The following CAMKMT variants were observed in gnomAD, a reference collection of about 807,000 sequenced individuals.
CAMKMT encodes the protein calmodulin-lysine N-methyltransferase.
Under a neutral mutation model 48.0 loss-of-function variants are expected in CAMKMT, and 53 were observed. The ratio of observed to expected loss-of-function variants is 1.10; its 90% CI spans 0.89 to 1.39. The LOEUF (loss-of-function observed/expected upper bound fraction) is 1.39, where lower values mean the gene tolerates loss of function less well. Ranked by LOEUF, CAMKMT falls within the 40% of genes most tolerant of loss-of-function variation. The pLI, the probability that CAMKMT is intolerant of heterozygous loss-of-function variation, is 0.00. For missense variants in CAMKMT, 428 were observed against 402.7 expected (o/e 1.06, Z -0.54); for synonymous variants, 165 against 152.3 (o/e 1.08, Z -0.61).
At chr2:44,700,552 G>T (rs1445175946) in intron 3 of CAMKMT, among the ~76,000 whole-genome samples, 1 of 152,136 alleles carries the variant, frequency 6.6e-6, no homozygotes, top group Non-Finnish European at 1.5e-5. Context: ...TAATAGGGAG[G>T]CCTGGGGAGA....
intron 3 of CAMKMT, among the ~76,000 whole-genome samples, chr2:44,497,041 T>G (rs1272938614): frequency 2.0e-5 from 3 of 152,192 alleles, no homozygotes; most frequent in African/African-American, 7.2e-5. Flanking sequence ...GTATCCTCAT[T>G]TATTATTCAT....
intron 3 of CAMKMT, among the ~76,000 whole-genome samples, chr2:44,418,192 CAAAAAAAA>C (rs70965353): frequency 8.4e-6 from 1 of 118,900 alleles, no homozygotes; most frequent in Non-Finnish European, 1.7e-5. Context: ...AACTCTGTCT[CAAAAAAAA>C]AAAAAAAAAG....
intron 3 of CAMKMT, among the ~76,000 whole-genome samples, chr2:44,532,702 A>G (rs748640895): frequency 6.6e-6 from 1 of 152,250 alleles, no homozygotes; most frequent in Non-Finnish European, 1.5e-5. Flanking sequence ...AGTAAGGCAC[A>G]TTTGTAAGGG....
intron 2 of CAMKMT, among the ~76,000 whole-genome samples, chr2:44,373,405 GA>G (rs1224602088): frequency 6.6e-6 from 1 of 152,082 alleles, no homozygotes; most frequent in African/African-American, 2.4e-5. Flanking sequence ...AAAATCATTA[GA>G]AAAGAGACAA....
At chr2:44,362,654 G>T (rs933780027) in intron 1 of CAMKMT, among the ~76,000 whole-genome samples, 5 of 152,174 alleles carry the variant, frequency 3.3e-5, no homozygotes, top group African/African-American at 9.7e-5. Flanking sequence ...ACAGCGGAGC[G>T]TGCAAGGAGT....
intron 3 of CAMKMT, chr2:44,394,755 A>G: frequency 2.3e-6 from 1 of 431,184 alleles, no homozygotes; most frequent in East Asian, 7.0e-5. Flanking sequence ...GCACACAGCT[A>G]TAGACTTTGC....
intron 3 of CAMKMT, among the ~76,000 whole-genome samples, chr2:44,608,595 A>G (rs1671430470): frequency 6.6e-6 from 1 of 152,002 alleles, no homozygotes; most frequent in African/African-American, 2.4e-5. Flanking sequence ...TATAAAATAT[A>G]TTTTCTTCAT....
intron 3 of CAMKMT, among the ~76,000 whole-genome samples, chr2:44,490,265 C>G (rs1490869706): frequency 1.3e-5 from 2 of 151,670 alleles, no homozygotes; most frequent in Non-Finnish European, 2.9e-5. Flanking sequence ...TTTTTCTTGT[C>G]TTTTTCTTTC....
chr2:44,543,948 G>A (rs1238178434), intron 3 of CAMKMT, among the ~76,000 whole-genome samples: 1 of 152,134 alleles, frequency 6.6e-6, no homozygotes, highest in East Asian at 1.9e-4. Flanking sequence ...TGTTCAGAAG[G>A]TAGCAAATAT....
chr2:44,512,988 C>G (rs1475559944), intron 3 of CAMKMT, among the ~76,000 whole-genome samples: 3 of 152,092 alleles, frequency 2.0e-5, no homozygotes, highest in Non-Finnish European at 2.9e-5. Flanking sequence ...TGGTGTTAAT[C>G]TTTTCACAAG....
intron 3 of CAMKMT, among the ~76,000 whole-genome samples, chr2:44,542,851 G>C (rs140389252): frequency 7.9e-5 from 12 of 152,186 alleles, no homozygotes; most frequent in African/African-American, 2.6e-4. Flanking sequence ...GCTGTGTGTG[G>C]GAGATAAAAC....
chr2:44,483,841 A>C (rs1669089100), intron 3 of CAMKMT, among the ~76,000 whole-genome samples: 1 of 152,152 alleles, frequency 6.6e-6, no homozygotes, highest in Non-Finnish European at 1.5e-5. Flanking sequence ...GAGTGATAGG[A>C]GTGGAGCTTC....
intron 3 of CAMKMT, among the ~76,000 whole-genome samples, chr2:44,673,506 G>C (rs556280732): frequency 7.0e-6 from 1 of 142,418 alleles, no homozygotes; most frequent in South Asian, 2.3e-4. Context: ...AGGAAGGAAG[G>C]AAGGAAGGAA....
At chr2:44,421,426 A>G (rs1172829915) in intron 3 of CAMKMT, among the ~76,000 whole-genome samples, 1 of 152,192 alleles carries the variant, frequency 6.6e-6, no homozygotes, top group Non-Finnish European at 1.5e-5. Context: ...CTTTTTAGAA[A>G]TGTATAAATA....
intron 3 of CAMKMT, among the ~76,000 whole-genome samples, chr2:44,519,249 A>G (rs1317044800): frequency 1.3e-5 from 2 of 152,216 alleles, no homozygotes; most frequent in Admixed American, 6.5e-5. Flanking sequence ...CTACTGGTGG[A>G]CATTGAACTT....
chr2:44,488,874 TG>T (rs1669343523), intron 3 of CAMKMT, among the ~76,000 whole-genome samples: 8 of 149,264 alleles, frequency 5.4e-5, no homozygotes, highest in Non-Finnish European at 7.5e-5. Context: ...TGTGTGTGTG[TG>T]TGTTTTAAGA....
intron 3 of CAMKMT, among the ~76,000 whole-genome samples, chr2:44,651,902 T>A (rs946242531): frequency 6.6e-6 from 1 of 152,244 alleles, no homozygotes; most frequent in African/African-American, 2.4e-5. Context: ...ACAGTAGTAT[T>A]GTAAATCACA....
At chr2:44,468,552 A>G (rs1028283895) in intron 3 of CAMKMT, among the ~76,000 whole-genome samples, 1 of 152,228 alleles carries the variant, frequency 6.6e-6, no homozygotes, top group Non-Finnish European at 1.5e-5. Context: ...CTGCACTCCC[A>G]TGTTTATTGC....
chr2:44,442,593 T>A (rs1301883509), intron 3 of CAMKMT, among the ~76,000 whole-genome samples: 1 of 152,182 alleles, frequency 6.6e-6, no homozygotes. Flanking sequence ...CAATATAATG[T>A]TAGCTCTGTC....
Sources: gnomAD v4.1 joint callset for allele counts (sites outside exome capture counted in the v4.1 genomes callset) on GRCh38, gnomAD v4.1.1 for gene constraint, MANE v1.5 for transcripts, NCBI Gene and HGNC (gene_info 2026-07-23, HGNC 2026-07-21) for gene names.